Variants in POU6F2 observed in about 807,000 individuals in gnomAD.
POU6F2 encodes the protein POU domain, class 6, transcription factor 2.
In POU6F2, 31 loss-of-function variants were observed where a neutral mutation model predicts 71.3. The observed-to-expected ratio is 0.43, with a 90% confidence interval of 0.33 to 0.59. The LOEUF (loss-of-function observed/expected upper bound fraction) is 0.59. Ranked by LOEUF, POU6F2 falls within the 20% of genes least tolerant of loss-of-function variation. POU6F2 has a pLI of 0.04. For synonymous variants in POU6F2, 347 were observed against 355.7 expected (o/e 0.98, Z 0.27); for missense variants, 783 against 856.8 (o/e 0.91, Z 1.07).
intron 6 of POU6F2, among the ~76,000 whole-genome samples, chr7:39,407,637 C>T (rs1436766016): frequency 6.6e-6 from 1 of 151,918 alleles, no homozygotes; most frequent in Non-Finnish European, 1.5e-5. Context: ...AGACTTTTCC[C>T]CCCAGCCTTA....
chr7:39,288,402 G>T (rs1158555166), intron 4 of POU6F2, among the ~76,000 whole-genome samples: 2 of 152,180 alleles, frequency 1.3e-5, no homozygotes, highest in African/African-American at 4.8e-5. Context: ...GACAGAGGAG[G>T]ATAAACTAAT....
intron 7 of POU6F2, 101 bp from the exon 8 acceptor site, chr7:39,451,432 G>T: frequency 8.1e-7 from 1 of 1,233,974 alleles, no homozygotes. Flanking sequence ...ATATATTCTT[G>T]GAAATAAAAT....
chr7:39,307,824 C>A (rs1562784478), intron 4 of POU6F2, among the ~76,000 whole-genome samples: 1 of 151,976 alleles, frequency 6.6e-6, no homozygotes, highest in African/African-American at 2.4e-5. Context: ...AAAAATTAGC[C>A]AGGCATGTAG....
intron 1 of POU6F2, among the ~76,000 whole-genome samples, chr7:38,991,596 G>A (rs912355631): frequency 7.2e-5 from 11 of 152,144 alleles, no homozygotes; most frequent in African/African-American, 2.7e-4. Context: ...ATTGCTCCTC[G>A]CATGGGTGAA....
At chr7:39,375,874 T>A (rs990665798) in intron 5 of POU6F2, among the ~76,000 whole-genome samples, 24 of 152,110 alleles carry the variant, frequency 1.6e-4, no homozygotes, top group Admixed American at 1.5e-3. Context: ...GTTGTTGTTG[T>A]TGTTTCTCTC....
At chr7:39,169,339 G>T (rs1364043255) in intron 2 of POU6F2, among the ~76,000 whole-genome samples, 1 of 152,112 alleles carries the variant, frequency 6.6e-6, no homozygotes, top group African/African-American at 2.4e-5. Flanking sequence ...AAGCCATTAT[G>T]CTTTGAGAAT....
intron 2 of POU6F2, among the ~76,000 whole-genome samples, chr7:39,091,018 TA>T (rs77868183): frequency 0.11 from 17,164 of 152,136 alleles, 1,036 homozygotes; most frequent in Middle Eastern, 0.15. Flanking sequence ...GGGGTATTTT[TA>T]AAAAAATCAG....
chr7:38,984,150 T>C (rs1422437388), intron 1 of POU6F2: 1 of 152,098 alleles, frequency 6.6e-6, no homozygotes, highest in Non-Finnish European at 1.5e-5. Context: ...GAGGTACATT[T>C]TTCCCATGGG....
intron 1 of POU6F2, among the ~76,000 whole-genome samples, chr7:39,011,955 C>G (rs1181000579): frequency 3.3e-5 from 5 of 152,088 alleles, no homozygotes; most frequent in African/African-American, 1.2e-4. Context: ...CTGCCCTTAA[C>G]ATTTTTTCCT....
chr7:39,422,262 A>G (rs965154988), intron 6 of POU6F2, among the ~76,000 whole-genome samples: 5 of 152,250 alleles, frequency 3.3e-5, no homozygotes, highest in African/African-American at 4.8e-5. Flanking sequence ...ACCACTAAGA[A>G]GAATTGGAAA....
intron 4 of POU6F2, among the ~76,000 whole-genome samples, chr7:39,256,721 A>G (rs1431250373): frequency 6.6e-6 from 1 of 152,204 alleles, no homozygotes. Flanking sequence ...ATGGCAGCAG[A>G]TCAGAGTCAA....
chr7:39,415,814 G>C (rs1288359798), intron 6 of POU6F2, among the ~76,000 whole-genome samples: 1 of 152,138 alleles, frequency 6.6e-6, no homozygotes, highest in Non-Finnish European at 1.5e-5. Flanking sequence ...TTCATGGTAG[G>C]TTTGACTATC....
At chr7:38,990,638 G>T (rs183507304) in intron 1 of POU6F2, among the ~76,000 whole-genome samples, 213 of 152,200 alleles carry the variant, frequency 1.4e-3, no homozygotes, top group African/African-American at 4.9e-3. Flanking sequence ...CATAATGCTT[G>T]GTAGAGACAG....
At chr7:39,218,023 G>A (rs1310518432) in intron 4 of POU6F2, among the ~76,000 whole-genome samples, 2 of 152,140 alleles carry the variant, frequency 1.3e-5, no homozygotes, top group Non-Finnish European at 2.9e-5. Context: ...GCAAAATGCA[G>A]GAAAGTAATG....
chr7:39,325,711 G>A (rs950330453), intron 4 of POU6F2, among the ~76,000 whole-genome samples: 1 of 152,162 alleles, frequency 6.6e-6, no homozygotes, highest in African/African-American at 2.4e-5. Flanking sequence ...TGTGTCTATA[G>A]TCTAAAAGAA....
intron 1 of POU6F2, among the ~76,000 whole-genome samples, chr7:39,000,360 A>C (rs1247892827): frequency 6.6e-6 from 1 of 152,180 alleles, no homozygotes; most frequent in African/African-American, 2.4e-5. Context: ...TAAGGCTTTT[A>C]CTTCTAGCGA....
chr7:39,359,816 A>T (rs1024699820), intron 5 of POU6F2, among the ~76,000 whole-genome samples: 2 of 152,230 alleles, frequency 1.3e-5, no homozygotes, highest in African/African-American at 4.8e-5. Flanking sequence ...AGGTTATTGC[A>T]TGCAAGAGAA....
chr7:38,996,484 T>C (rs571603056), intron 1 of POU6F2, among the ~76,000 whole-genome samples: 5 of 152,294 alleles, frequency 3.3e-5, no homozygotes, highest in South Asian at 4.1e-4. Flanking sequence ...TTCTTCAGTA[T>C]TCCCATCAGC....
At chr7:39,387,084 C>T (rs981229615) in intron 5 of POU6F2, among the ~76,000 whole-genome samples, 18 of 152,204 alleles carry the variant, frequency 1.2e-4, no homozygotes, top group African/African-American at 2.7e-4. Context: ...TGCAGCACCC[C>T]GTGCTGGGGG....
Sources: gnomAD v4.1 joint callset for allele counts (sites outside exome capture counted in the v4.1 genomes callset) on GRCh38, gnomAD v4.1.1 for gene constraint, MANE v1.5 for transcripts, NCBI Gene and HGNC (gene_info 2026-07-23, HGNC 2026-07-21) for gene names.